KLHDC4: variants seen among roughly 807,000 people sequenced by gnomAD.
The protein encoded by KLHDC4 is kelch domain containing 4, also known as kelch domain-containing protein 4.
In KLHDC4, 90 loss-of-function variants were observed where a neutral mutation model predicts 62.4. The observed-to-expected ratio is 1.44, with a 90% confidence interval of 1.22 to 1.72. The LOEUF (loss-of-function observed/expected upper bound fraction) is 1.72, where lower values mean the gene tolerates loss of function less well. Among genes scored for constraint, KLHDC4 ranks in the 40% most tolerant of loss-of-function variants. The pLI, the probability that KLHDC4 is intolerant of heterozygous loss-of-function variation, is 0.00. For synonymous variants in KLHDC4, 386 were observed against 284.4 expected, an observed-to-expected ratio of 1.36 and a Z score of -3.59; for missense variants, 1,025 against 699.7, an observed-to-expected ratio of 1.47 and a Z score of -5.25.
At chr16:87,758,885 G>C (rs75606375) in intron 2 of KLHDC4, among the ~76,000 whole-genome samples, 1,990 of 138,142 alleles carry the variant, frequency 0.014, 15 homozygotes, top group Non-Finnish European at 0.023. Context: ...GATTAAAATG[G>C]CAAATTTTGG....
intron 5 of KLHDC4, among the ~76,000 whole-genome samples, chr16:87,734,705 A>C (rs1428277227): frequency 6.6e-6 from 1 of 152,158 alleles, no homozygotes; most frequent in African/African-American, 2.4e-5. Flanking sequence ...TGGCCTCTTC[A>C]CATAGGGATA....
rs766863843 is a variant in KLHDC4 at position 87,762,025 on chromosome 16, G to C, written c.115C>G (p.Leu39Val). ...SRKEEEDLEA[L>V]IAHFQTLDAK... ...TCGAGTGTCTGGAAATGGGCTATGA[G>C]CGCTTCCAGGTCTTCCTAGGGCAAG... Residue 39 changes from leucine to valine, a missense_variant, in exon 2 of 12, where the codon CTC becomes GTC. Physicochemically the swap from Leu to Val is conservative, Grantham distance 32. Transcript: ENST00000270583. 1 of 1,613,918 alleles carries C rather than the reference G, an allele frequency of 6.2e-7. No homozygotes were observed. Among genetic ancestry groups the C allele is most frequent in the South Asian group, 1.1e-5 (1 of 91,044 alleles).
At chr16:87,756,606 G>A (rs963088903) in intron 2 of KLHDC4, 129 bp from the exon 3 acceptor site, 24 of 661,014 alleles carry the variant, frequency 3.6e-5, no homozygotes, top group Non-Finnish European at 5.8e-5. Flanking sequence ...GGAGAGCCTG[G>A]CATCGAGAAA....
At chr16:87,721,850 AG>A (rs1895817819) in intron 7 of KLHDC4, among the ~76,000 whole-genome samples, 1 of 152,208 alleles carries the variant, frequency 6.6e-6, no homozygotes, top group Non-Finnish European at 1.5e-5. Context: ...AAACGCAGGC[AG>A]GAAGGAGGGC....
rs1196908525 is a variant in KLHDC4 at position 87,753,276 on chromosome 16, C to G, written c.369+1918G>C. On this transcript the variant is annotated intron_variant, in intron 4 of 11. Coordinates refer to ENST00000270583, the MANE Select transcript of KLHDC4 (RefSeq NM_017566.4). ...ACCACCACTGTGAAGACAAAAGCAT[C>G]TTCTGATGCTGAGAACTATCAGAGC... Among the ~76,000 whole-genome samples, 3 of 152,212 alleles carry G rather than the reference C, an allele frequency of 2.0e-5. 1 individual carries two copies. Among genetic ancestry groups the G allele is most frequent in the Admixed American group, 1.3e-4 (2 of 15,274 alleles).
chr16:87,715,480 G>A (rs1389537775), intron 7 of KLHDC4, among the ~76,000 whole-genome samples: 1 of 152,092 alleles, frequency 6.6e-6, no homozygotes, highest in African/African-American at 2.4e-5. Context: ...TCCTGCCCAG[G>A]GATCCCGTCG....
chr16:87,706,565 G>A (rs2034758929), downstream of KLHDC4, among the ~76,000 whole-genome samples: 2 of 152,204 alleles, frequency 1.3e-5, no homozygotes, highest in African/African-American at 2.4e-5. Flanking sequence ...CCAGGGAAGA[G>A]GCAGTGCCCA....
At chr16:87,732,813 A>C (rs1407306085) in intron 5 of KLHDC4, among the ~76,000 whole-genome samples, 12 of 149,100 alleles carry the variant, frequency 8.0e-5, no homozygotes, top group Middle Eastern at 3.5e-3. Flanking sequence ...CAGCTTCTAC[A>C]GGTGAAAAGG....
chr16:87,762,919 A>C (rs1597435400), intron 1 of KLHDC4, among the ~76,000 whole-genome samples: 1 of 148,774 alleles, frequency 6.7e-6, no homozygotes, highest in African/African-American at 2.5e-5. Flanking sequence ...CTCCAACCTC[A>C]CCTCCCACCT....
intron 4 of KLHDC4, among the ~76,000 whole-genome samples, chr16:87,749,999 G>C (rs78742117): frequency 6.6e-6 from 1 of 151,196 alleles, no homozygotes; most frequent in African/African-American, 2.5e-5. Flanking sequence ...GGGATGCTGA[G>C]GAGAGAGCAG....
At chr16:87,737,712 C>T (rs748835566) in intron 5 of KLHDC4, among the ~76,000 whole-genome samples, 4 of 151,910 alleles carry the variant, frequency 2.6e-5, no homozygotes, top group Non-Finnish European at 4.4e-5. Context: ...CTAAGACTCC[C>T]GAGTAGCTGC....
At position 87,765,803 on chromosome 16, in the gene KLHDC4, G is replaced by A. The variant is rs1224925347; in HGVS notation, c.88C>T (p.Arg30Trp). ...KMEKKVSKRS[R>W]KEEEDLEALI... is the part of the protein sequence containing the mutation. ...TCTGACCCGCTCACCTCCTCCTTCC[G>A]CGAGCGCTTAGACACCTTCTTCTCC... Residue 30 changes from arginine (R) to tryptophan (W), a missense_variant, in exon 1 of 12, where the codon CGG becomes TGG. Transcript: ENST00000270583. 2 of 1,570,746 alleles carry A rather than the reference G, an allele frequency of 1.3e-6. No individual in the cohort carries two copies. The highest frequency in any genetic ancestry group is 1.7e-6 in the Non-Finnish European group (2 of 1,157,792).
intron 8 of KLHDC4, among the ~76,000 whole-genome samples, chr16:87,712,375 T>A (rs2036069834): frequency 6.6e-6 from 1 of 152,074 alleles, no homozygotes; most frequent in East Asian, 1.9e-4. Flanking sequence ...GGCCCCCGCC[T>A]CATTCCCACC....
intron 5 of KLHDC4, among the ~76,000 whole-genome samples, chr16:87,745,241 T>A (rs2042869860): frequency 5.3e-5 from 8 of 151,836 alleles, no homozygotes; most frequent in Admixed American, 5.2e-4. Flanking sequence ...ACACCCGCCC[T>A]GGGGCCGGCC....
At chr16:87,718,320 C>T (rs1207740836) in intron 7 of KLHDC4, among the ~76,000 whole-genome samples, 4 of 72,952 alleles carry the variant, frequency 5.5e-5, no homozygotes, top group African/African-American at 2.6e-4. Flanking sequence ...TCTCCCTCCC[C>T]CTCCCTCTCC....
chr16:87,701,939 T>C (rs1417148480), exon 1 of KLHDC4: 2 of 455,982 alleles, frequency 4.4e-6, no homozygotes, highest in Non-Finnish European at 4.4e-6. Flanking sequence ...CCAGCAGTGG[T>C]AGATGGGGCT....
chr16:87,731,747 G>T (rs142226997), intron 5 of KLHDC4, among the ~76,000 whole-genome samples: 2 of 152,186 alleles, frequency 1.3e-5, no homozygotes, highest in Non-Finnish European at 2.9e-5. Flanking sequence ...CCACACAGAC[G>T]GACATGCACA....
intron 5 of KLHDC4, among the ~76,000 whole-genome samples, chr16:87,736,434 C>A (rs192231929): frequency 6.6e-6 from 1 of 152,146 alleles, no homozygotes; most frequent in Non-Finnish European, 1.5e-5. Context: ...CAATTCCTGC[C>A]GGATCCCTGA....
intron 7 of KLHDC4, among the ~76,000 whole-genome samples, chr16:87,724,793 C>G (rs1047162819): frequency 2.0e-5 from 3 of 152,120 alleles, no homozygotes; most frequent in Admixed American, 1.3e-4. Flanking sequence ...ACACCCACAC[C>G]CACACCCACC....
Sources: allele counts gnomAD v4.1 joint callset (sites outside exome capture counted in the v4.1 genomes callset), GRCh38; gene constraint gnomAD v4.1.1; transcripts MANE v1.5; gene names NCBI Gene and HGNC (gene_info 2026-07-23, HGNC 2026-07-21).